ATP9B: variants seen among roughly 807,000 people sequenced by gnomAD.
The protein encoded by ATP9B is ATPase phospholipid transporting 9B.
A neutral mutation model predicts 146.1 loss-of-function variants in ATP9B; 110 were observed. The ratio of observed to expected loss-of-function variants is 0.75; its 90% CI spans 0.65 to 0.88. ATP9B has a LOEUF of 0.88. ATP9B is among the 40% of genes least tolerant of loss of function. The pLI, the probability that ATP9B is intolerant of heterozygous loss-of-function variation, is 0.00. For missense variants in ATP9B, 1,499 were observed against 1,496.4 expected (o/e 1.00, Z -0.03); for synonymous variants, 604 against 569.7 (o/e 1.06, Z -0.86).
At chr18:79,267,368 C>T (rs976695913) in intron 12 of ATP9B, among the ~76,000 whole-genome samples, 2 of 151,900 alleles carry the variant, frequency 1.3e-5, no homozygotes, top group Admixed American at 6.6e-5. Context: ...AATACCTACT[C>T]TTGTCTTTAT....
intron 15 of ATP9B, among the ~76,000 whole-genome samples, chr18:79,318,697 C>T (rs2096696843): frequency 6.6e-6 from 1 of 152,200 alleles, no homozygotes; most frequent in Non-Finnish European, 1.5e-5. Flanking sequence ...TGTATATGCA[C>T]CTTTCAGAAA....
intron 1 of ATP9B, among the ~76,000 whole-genome samples, chr18:79,083,697 C>T (rs1174057470): frequency 6.6e-6 from 1 of 152,050 alleles, no homozygotes; most frequent in Non-Finnish European, 1.5e-5. Flanking sequence ...CCGGGTGAGG[C>T]GACACCCCAC....
chr18:79,090,937 G>A (rs1226040466), intron 1 of ATP9B, among the ~76,000 whole-genome samples: 1 of 152,066 alleles, frequency 6.6e-6, no homozygotes, highest in African/African-American at 2.4e-5. Context: ...AGCTTTTAAT[G>A]TGTTTTAATT....
At chr18:79,200,965 G>T (rs1259616941) in intron 9 of ATP9B, among the ~76,000 whole-genome samples, 1 of 152,208 alleles carries the variant, frequency 6.6e-6, no homozygotes, top group Non-Finnish European at 1.5e-5. Context: ...AGTGCCAAGT[G>T]TTGAGCACAA....
At chr18:79,312,615 G>A (rs1163639638) in intron 15 of ATP9B, among the ~76,000 whole-genome samples, 1 of 152,184 alleles carries the variant, frequency 6.6e-6, no homozygotes, top group South Asian at 2.1e-4. Context: ...CACAAGCGTC[G>A]CCTGCTGAGC....
chr18:79,157,342 G>A (rs1412363074), intron 7 of ATP9B, among the ~76,000 whole-genome samples: 1 of 133,284 alleles, frequency 7.5e-6, no homozygotes, highest in African/African-American at 2.9e-5. Flanking sequence ...GTTGCAGTGA[G>A]CCGAGATTGT....
chr18:79,154,407 C>T, intron 6 of ATP9B, 97 bp from the exon 7 acceptor site: 1 of 799,154 alleles, frequency 1.3e-6, no homozygotes, highest in Non-Finnish European at 2.0e-6. Context: ...ATTATATTAT[C>T]TTAGTTGTTT....
At chr18:79,082,432 A>G (rs1372198637) in intron 1 of ATP9B, among the ~76,000 whole-genome samples, 2 of 152,102 alleles carry the variant, frequency 1.3e-5, no homozygotes, top group East Asian at 3.9e-4. Flanking sequence ...TTCTCTGTCC[A>G]GTTTTGTTCT....
chr18:79,089,024 G>A (rs2074089160), intron 1 of ATP9B, among the ~76,000 whole-genome samples: 1 of 152,102 alleles, frequency 6.6e-6, no homozygotes. Flanking sequence ...AGCAAGACAT[G>A]GTCTCTTCTT....
chr18:79,235,739 C>T (rs566311902), intron 11 of ATP9B, among the ~76,000 whole-genome samples: 6 of 151,794 alleles, frequency 4.0e-5, no homozygotes, highest in African/African-American at 1.5e-4. Context: ...TCCCAGCTCC[C>T]GGGAGTGTCC....
rs577676937 is a variant in ATP9B, at chr18:79,095,153, G to A, written c.120-1323G>A. On this transcript the variant is annotated intron_variant, in intron 1 of 29. Coordinates refer to ENST00000426216, the MANE Select transcript of ATP9B (RefSeq NM_198531.5). ...TGTTTGATTCCTATTTTTTGTTTCT[G>A]AAGAGCTCTTAATTTCCACTTATTG... Among the ~76,000 whole-genome samples the A allele has an allele frequency of 2.0e-4, 30 of 152,160 alleles. No individual in the cohort carries two copies. The South Asian group carries it at 6.0e-3, about 30-fold the overall frequency.
At position 79,337,380 on chromosome 18, in the gene ATP9B, CG is replaced by C; in HGVS notation, c.2216del (p.Gly739AlafsTer27). On this transcript the variant is annotated frameshift_variant, in exon 19 of 30. Transcript: ENST00000426216. LOFTEE classifies it high-confidence loss of function. ...EREMELLCLT[G>X]VEDQLQADVR... is the part of the protein sequence containing the mutation. ...GGGAGATGGAACTGCTGTGCCTCAC[CG>C]GCGTGGAGGACCAGCTGCAGGCAGA... is the stretch of plus-strand genomic sequence containing the variant. The C allele has an allele frequency of 6.2e-7, 1 of 1,614,028 alleles. No homozygotes were observed. The highest frequency in any genetic ancestry group is 8.5e-7 in the Non-Finnish European group (1 of 1,180,034).
At chr18:79,099,715 G>A (rs990178141) in intron 2 of ATP9B, among the ~76,000 whole-genome samples, 1 of 152,040 alleles carries the variant, frequency 6.6e-6, no homozygotes, top group Non-Finnish European at 1.5e-5. Flanking sequence ...ATCCACCTCA[G>A]CCTCCCAAAG....
In ATP9B at chr18:79,096,555, A is replaced by G; in HGVS notation, c.199A>G (p.Ser67Gly). The G allele has an allele frequency of 6.2e-7, 1 of 1,614,046 alleles. No individual in the cohort carries two copies. Among genetic ancestry groups the G allele is most frequent in the Non-Finnish European group, 8.5e-7 (1 of 1,179,920 alleles). The change falls in exon 2 of 30, where the codon AGT becomes GGT. Residue 67 changes from serine to glycine, a missense_variant. By Grantham distance (56) the Ser-to-Gly change is moderately conservative. Coordinates refer to ENST00000426216, the MANE Select transcript of ATP9B (RefSeq NM_198531.5). ...MSEEGFENEE[S>G]DYHTLPRARI... ...TGAAGAAGGCTTTGAGAATGAGGAA[A>G]GTGATTACCACACCTTACCACGAGC... is the stretch of plus-strand genomic sequence containing the variant.
At chr18:79,157,279 C>G (rs1164397315) in intron 7 of ATP9B, among the ~76,000 whole-genome samples, 3 of 150,336 alleles carry the variant, frequency 2.0e-5, no homozygotes, top group Non-Finnish European at 2.9e-5. Flanking sequence ...GCCTATAATT[C>G]TAGCTACTCA....
At chr18:79,261,175 G>C (rs991524863) in intron 12 of ATP9B, among the ~76,000 whole-genome samples, 49 of 152,222 alleles carry the variant, frequency 3.2e-4, no homozygotes, top group African/African-American at 1.2e-3. Flanking sequence ...AGGGATATTG[G>C]GATGGGGTAA....
intron 14 of ATP9B, 29 bp downstream of exon 14, chr18:79,303,745 G>C (rs1346551753): frequency 3.2e-6 from 5 of 1,542,042 alleles, no homozygotes; most frequent in Non-Finnish European, 3.6e-6. Context: ...CACGGGGTCT[G>C]CTTCCACACA....
At chr18:79,245,813 CCTA>C (rs1216426519) in intron 11 of ATP9B, among the ~76,000 whole-genome samples, 1 of 148,424 alleles carries the variant, frequency 6.7e-6, no homozygotes, top group African/African-American at 2.5e-5. Context: ...AGGGTACCAC[CCTA>C]CTGACTGAGG....
At position 79,355,352 on chromosome 18, in the gene ATP9B, A is replaced by G. The variant is rs367601101; in HGVS notation, c.2904-4002A>G. ...AATTCTCTGACAAAGACTGGGAAAC[A>G]GTCATTACCAACATACTGGGAGCAA... On this transcript the variant is annotated intron_variant, in intron 25 of 29. Coordinates refer to ENST00000426216, the MANE Select transcript of ATP9B (RefSeq NM_198531.5). 1.1e-3 allele frequency among the ~76,000 whole-genome samples: 172 copies of G among 152,378 alleles called. 2 individuals carry two copies. The highest frequency in any genetic ancestry group is 3.9e-3 in the African/African-American group (162 of 41,600).
Sources: allele counts gnomAD v4.1 joint callset (sites outside exome capture counted in the v4.1 genomes callset), GRCh38; gene constraint gnomAD v4.1.1; transcripts MANE v1.5; gene names NCBI Gene and HGNC (gene_info 2026-07-23, HGNC 2026-07-21).